Variants in ADAMTS8 observed in about 807,000 individuals in gnomAD.
ADAMTS8 encodes ADAM metallopeptidase with thrombospondin type 1 motif 8, also known as A disintegrin and metalloproteinase with thrombospondin motifs 8.
ADAMTS8 carries 50 observed loss-of-function variants against 64.4 expected under a neutral mutation model. The ratio of observed to expected loss-of-function variants is 0.78; its 90% CI spans 0.62 to 0.98. The LOEUF is 0.98. Ranked by LOEUF, ADAMTS8 falls within the 50% of genes least tolerant of loss-of-function variation. ADAMTS8 has a pLI of 0.00. For missense variants in ADAMTS8, 1,192 were observed against 1,208.2 expected, an observed-to-expected ratio of 0.99 and a Z score of 0.20; for synonymous variants, 556 against 533.6, an observed-to-expected ratio of 1.04 and a Z score of -0.58.
intron 2 of ADAMTS8, among the ~76,000 whole-genome samples, chr11:130,417,303 C>T (rs959800303): frequency 1.3e-5 from 2 of 152,110 alleles, no homozygotes; most frequent in Non-Finnish European, 2.9e-5. Context: ...GTCATCCAGG[C>T]TGGAGTGCAG....
rs1468497875 is a variant in ADAMTS8, at chr11:130,405,398, A to T, written c.*160T>A. On this transcript the variant is annotated 3_prime_UTR_variant, in exon 9 of 9. Transcript: ENST00000257359. ...CCCATACCCTCTCCTCTTCCCCCTT[A>T]GGAATTTGTGCAGTACTGGAGGGGT... 8.4e-6 allele frequency: 12 copies of T among 1,436,302 alleles called. No individual in the cohort carries two copies. Among genetic ancestry groups the T allele is most frequent in the Non-Finnish European group, 1.1e-5 (12 of 1,101,310 alleles). 89.0% of individuals were successfully genotyped at this position (1,436,302 alleles called of 1,614,324 possible).
At chr11:130,426,663 AG>A (rs1862170745) in intron 1 of ADAMTS8, among the ~76,000 whole-genome samples, 1 of 152,182 alleles carries the variant, frequency 6.6e-6, no homozygotes, top group Non-Finnish European at 1.5e-5. Context: ...CCTCCTGCTG[AG>A]TCAGCACCAT....
chr11:130,425,282 G>A (rs548782380), intron 1 of ADAMTS8, among the ~76,000 whole-genome samples: 55 of 152,110 alleles, frequency 3.6e-4, no homozygotes, highest in Non-Finnish European at 6.9e-4. Context: ...TCAGCAGCCC[G>A]GGCATCCTGG....
intron 6 of ADAMTS8, among the ~76,000 whole-genome samples, chr11:130,409,489 G>T (rs944832804): frequency 1.3e-5 from 2 of 152,128 alleles, no homozygotes; most frequent in Non-Finnish European, 2.9e-5. Context: ...GTCCTTCCAC[G>T]AACTGTCTTG....
chr11:130,418,934 C>T (rs1370956539), intron 2 of ADAMTS8, 119 bp downstream of exon 2: 49 of 1,495,400 alleles, frequency 3.3e-5, no homozygotes, highest in African/African-American at 5.5e-5. Context: ...GAGGCTCTGG[C>T]GTCCAGCTGG....
Position 130,427,574 on chromosome 11 carries a change from T to G in ADAMTS8, c.713A>C (p.Asp238Ala), listed in dbSNP as rs1371793129. ...GGAGGCTCTCAGTCCTACCTGCAGG[T>G]CGGCCCCGTAGAAGGCAGCCATGGA... ...DASMAAFYGA[D>A]LQNHILTLMS... is the part of the protein sequence containing the mutation. The change falls in exon 1 of 9, where the codon GAC becomes GCC. Residue 238 changes from aspartate (D) to alanine (A), a missense_variant. Transcript: ENST00000257359. 6.5e-7 allele frequency: 1 copy of G among 1,535,256 alleles called. No homozygotes were observed. The highest frequency in any genetic ancestry group is 1.2e-5 in the South Asian group (1 of 83,878).
chr11:130,420,984 G>T (rs935600234), intron 1 of ADAMTS8, among the ~76,000 whole-genome samples: 6 of 152,130 alleles, frequency 3.9e-5, no homozygotes, highest in Non-Finnish European at 7.3e-5. Context: ...GATGGGCCAG[G>T]GACCAACCCC....
intron 4 of ADAMTS8, 33 bp from the exon 5 acceptor site, chr11:130,414,865 T>G: frequency 6.5e-7 from 1 of 1,548,340 alleles, no homozygotes; most frequent in Non-Finnish European, 8.7e-7. Context: ...TGTAAGAACA[T>G]GCACAGGGCT....
In ADAMTS8 at chr11:130,416,687, G is replaced by A. The variant is rs1362456487; in HGVS notation, c.1096+253C>T. On this transcript the variant is annotated intron_variant, in intron 3 of 8. Transcript: ENST00000257359. The surrounding 1 kb of genome is among the most constrained non-coding windows in gnomAD (Gnocchi z 4.8). ...CACGTGTCTGGTGTCCTGTGTCCTG[G>A]CATTTGCCCGGTGACCTGTGATAAT... Among the ~76,000 whole-genome samples, 1 of 152,174 alleles carries A rather than the reference G, an allele frequency of 6.6e-6. No homozygotes were observed. The highest frequency in any genetic ancestry group is 1.5e-5 in the Non-Finnish European group (1 of 68,030).
intron 2 of ADAMTS8, among the ~76,000 whole-genome samples, chr11:130,418,007 C>CAAAAAAAAAAA (rs5795694): frequency 1.9e-4 from 18 of 93,932 alleles, no homozygotes; most frequent in East Asian, 1.6e-3. Flanking sequence ...CTACAAAAAG[C>CAAAAAAAAAAA]AAAAAAAAAA....
intron 6 of ADAMTS8, among the ~76,000 whole-genome samples, 163 bp from the exon 7 acceptor site, chr11:130,409,103 T>C (rs1404834806): frequency 6.6e-6 from 1 of 152,134 alleles, no homozygotes; most frequent in Admixed American, 6.5e-5. Context: ...CCTAGACGCA[T>C]GTGTGACCCT....
intron 1 of ADAMTS8, among the ~76,000 whole-genome samples, chr11:130,426,936 C>G (rs1357861527): frequency 6.6e-6 from 1 of 152,266 alleles, no homozygotes; most frequent in African/African-American, 2.4e-5. Context: ...CTGGCATTGC[C>G]AAGTTCTGCC....
intron 4 of ADAMTS8, 65 bp from the exon 5 acceptor site, chr11:130,414,897 G>T: frequency 6.9e-7 from 1 of 1,449,908 alleles, no homozygotes. Flanking sequence ...AGCTCTTCAT[G>T]GCCTGTGATG....
rs1443603175 is a variant in ADAMTS8 at position 130,427,721 on chromosome 11, T to C, written c.566A>G (p.Glu189Gly). 6.3e-7 allele frequency: 1 copy of C among 1,595,214 alleles called. No individual in the cohort carries two copies. Among genetic ancestry groups the C allele is most frequent in the Non-Finnish European group, 8.5e-7 (1 of 1,171,950 alleles). ...RGDHQEDSEE[E>G]SQEEEAEGAS... ...GCCTTCTGCCTCCTCTTCTTGGCTC[T>C]CCTCCTCGCTGTCCTCCTGGTGGTC... Residue 189 changes from glutamate to glycine, a missense_variant, in exon 1 of 9, where the codon GAG becomes GGG. Transcript: ENST00000257359.
Position 130,411,274 on chromosome 11 carries a change from C to T in ADAMTS8, c.1750+143G>A, listed in dbSNP as rs1463894869. 1 of 1,028,450 alleles carries T rather than the reference C, an allele frequency of 9.7e-7. No individual in the cohort carries two copies. The highest frequency in any genetic ancestry group is 1.4e-6 in the Non-Finnish European group (1 of 717,046). The allele number at this position is 1,028,450 out of a possible 1,614,324, so 63.7% of individuals were successfully genotyped here. On this transcript the variant is annotated intron_variant, in intron 6 of 8. Coordinates refer to ENST00000257359, the MANE Select transcript of ADAMTS8 (RefSeq NM_007037.6). The surrounding 1 kb of genome is among the most constrained non-coding windows in gnomAD (Gnocchi z 4.2). ...GAGATCACAGGCAAAACTCTACATC[C>T]CAGGAGACCCAATTTACTCCCCTCT...
intron 1 of ADAMTS8, among the ~76,000 whole-genome samples, chr11:130,425,076 A>G (rs554406572): frequency 6.6e-6 from 1 of 152,232 alleles, no homozygotes; most frequent in African/African-American, 2.4e-5. Flanking sequence ...CAGCTGGGAA[A>G]GGTCCAGAAA....
chr11:130,428,523 C>T lies in ADAMTS8; in HGVS notation c.-237G>A. The T allele has an allele frequency of 1.1e-6, 1 of 894,660 alleles. No individual in the cohort carries two copies. The highest frequency in any genetic ancestry group is 1.3e-6 in the Non-Finnish European group (1 of 747,478). The allele number at this position is 894,660 out of a possible 1,614,324, so 55.4% of individuals were successfully genotyped here. ...CCCGAGCCGAGCGCGAGCAGCTGGCCCCGGCCCGCGTGCGCCCGTCCTCCG... is the reference window on the plus strand; with the variant it reads ...CCCGAGCCGAGCGCGAGCAGCTGGCTCCGGCCCGCGTGCGCCCGTCCTCCG... On this transcript the variant is annotated 5_prime_UTR_variant, in exon 1 of 9. Transcript: ENST00000257359.
chr11:130,416,295 G>T lies in ADAMTS8; in HGVS notation c.1132C>A (p.Pro378Thr). ...VLSMPHDDSK[P>T]CTRLFGPMGK... ...ATGGGCCCGAAGAGCCGTGTGCAGG[G>T]CTTGGAGTCGTCGTGGGGCATGCTG... The change falls in exon 4 of 9, where the codon CCC becomes ACC. Residue 378 changes from proline (P) to threonine (T), a missense_variant. Physicochemically the swap from Pro to Thr is conservative, Grantham distance 38. This residue lies in a region of ADAMTS8 where 741 missense variants were observed against 710.6 expected (regional missense o/e 1.04). Transcript: ENST00000257359. The surrounding 1 kb of genome is among the most constrained non-coding windows in gnomAD (Gnocchi z 4.8). 1.9e-6 allele frequency: 3 copies of T among 1,574,230 alleles called. No homozygotes were observed. The highest frequency in any genetic ancestry group is 2.3e-5 in the East Asian group (1 of 42,870).
rs1323155034 is a variant in ADAMTS8 at position 130,405,834 on chromosome 11, G to A, written c.2394C>T (p.Phe798=). The change falls in exon 9 of 9, where the codon TTC becomes TTT. Residue 798 remains phenylalanine (F), a synonymous_variant. Coordinates refer to ENST00000257359, the MANE Select transcript of ADAMTS8 (RefSeq NM_007037.6). ...VQLLTVPGEV[F]PPKVKYTFFV... is the part of the protein sequence containing the mutation. ...AGAAGGTGTATTTGACTTTTGGGGG[G>A]AAGACCTCGCCAGGGACTGTCAGGA... 6.2e-7 allele frequency: 1 copy of A among 1,613,932 alleles called. No homozygotes were observed. The highest frequency in any genetic ancestry group is 8.5e-7 in the Non-Finnish European group (1 of 1,180,058).
Sources: allele counts gnomAD v4.1 joint callset (sites outside exome capture counted in the v4.1 genomes callset), GRCh38; gene constraint gnomAD v4.1.1; regional missense constraint gnomAD v4.1.1; non-coding constraint Gnocchi (gnomAD v3.1); transcripts MANE v1.5; gene names NCBI Gene and HGNC (gene_info 2026-07-23, HGNC 2026-07-21).